ENTREP2: variants seen among roughly 807,000 people sequenced by gnomAD.
The protein encoded by ENTREP2 is endosomal transmembrane epsin interactor 2.
At chr15:29,168,299 A>G in the ENTREP2 span, among the ~76,000 whole-genome samples, 1 of 152,102 alleles carries the variant, frequency 6.6e-6, no homozygotes, top group African/African-American at 2.4e-5. Context: ...GTAACCAAAT[A>G]CCACCTGTAC....
chr15:29,182,707 C>T, the ENTREP2 span, among the ~76,000 whole-genome samples: 1 of 151,940 alleles, frequency 6.6e-6, no homozygotes, highest in African/African-American at 2.4e-5. Flanking sequence ...CTCCATCTCT[C>T]TTGGAGGAAT....
At chr15:29,250,989 G>A in the ENTREP2 span, among the ~76,000 whole-genome samples, 2 of 152,172 alleles carry the variant, frequency 1.3e-5, no homozygotes, top group Non-Finnish European at 1.5e-5. Flanking sequence ...CTTCAGCATC[G>A]AAACTGTGCC....
chr15:29,470,827 T>C, the ENTREP2 span, among the ~76,000 whole-genome samples: 2 of 152,248 alleles, frequency 1.3e-5, no homozygotes, highest in African/African-American at 4.8e-5. Context: ...ATTTTTTGTT[T>C]AATTGGTAAT....
At chr15:29,170,073 C>T in the ENTREP2 span, among the ~76,000 whole-genome samples, 43 of 151,900 alleles carry the variant, frequency 2.8e-4, no homozygotes, top group African/African-American at 6.3e-4. Flanking sequence ...TTTGGAGGGC[C>T]GAGGCAGGGG....
the ENTREP2 span, among the ~76,000 whole-genome samples, chr15:29,666,237 A>G: frequency 6.6e-6 from 1 of 152,072 alleles, no homozygotes. Context: ...GCCCAAAACT[A>G]AATTCTCAGT....
the ENTREP2 span, among the ~76,000 whole-genome samples, chr15:29,323,981 G>A: frequency 2.0e-5 from 3 of 152,044 alleles, no homozygotes; most frequent in South Asian, 2.1e-4. Flanking sequence ...TAAAAGAAGT[G>A]TAATTGATAT....
the ENTREP2 span, among the ~76,000 whole-genome samples, chr15:29,423,211 C>T: frequency 1.1e-4 from 16 of 152,144 alleles, no homozygotes; most frequent in African/African-American, 3.9e-4. Context: ...TCAGAATACA[C>T]ATTTAACATC....
chr15:29,138,528 CTGTA>C, the ENTREP2 span, among the ~76,000 whole-genome samples: 5 of 151,602 alleles, frequency 3.3e-5, no homozygotes, highest in East Asian at 5.8e-4. Flanking sequence ...GCGTGTGTGT[CTGTA>C]TGTGTGTGTT....
the ENTREP2 span, among the ~76,000 whole-genome samples, chr15:29,444,665 C>G: frequency 6.6e-6 from 1 of 152,000 alleles, no homozygotes; most frequent in Admixed American, 6.5e-5. Flanking sequence ...CGGGGTTTCA[C>G]CATATTGGCC....
chr15:29,529,353 T>C, the ENTREP2 span, among the ~76,000 whole-genome samples: 285 of 149,956 alleles, frequency 1.9e-3, no homozygotes, highest in Middle Eastern at 0.01. Flanking sequence ...CAAAAGAAGT[T>C]TGAGGATGAT....
chr15:29,371,670 C>T, the ENTREP2 span, among the ~76,000 whole-genome samples: 10 of 151,922 alleles, frequency 6.6e-5, no homozygotes, highest in African/African-American at 9.7e-5. Context: ...GAGAAAAACA[C>T]AGTTCTTAGA....
the ENTREP2 span, among the ~76,000 whole-genome samples, chr15:29,600,701 GC>G: frequency 2.0e-5 from 3 of 151,800 alleles, no homozygotes; most frequent in Admixed American, 2.0e-4. Flanking sequence ...CAAACTCCTG[GC>G]CTCAAGTGAT....
chr15:29,335,696 T>C, the ENTREP2 span, among the ~76,000 whole-genome samples: 1 of 151,746 alleles, frequency 6.6e-6, no homozygotes, highest in South Asian at 2.1e-4. Flanking sequence ...CACCTTGGGG[T>C]CAGCCACCCT....
At chr15:29,184,788 T>C in the ENTREP2 span, among the ~76,000 whole-genome samples, 1 of 152,192 alleles carries the variant, frequency 6.6e-6, no homozygotes, top group African/African-American at 2.4e-5. Flanking sequence ...CCCTGTCCTG[T>C]GGCCCCTCTC....
the ENTREP2 span, among the ~76,000 whole-genome samples, chr15:29,177,834 AG>A: frequency 7.5e-6 from 1 of 133,830 alleles, no homozygotes; most frequent in South Asian, 2.7e-4. Context: ...GGTGGAGGGT[AG>A]GGATGGGCAG....
the ENTREP2 span, among the ~76,000 whole-genome samples, chr15:29,490,978 G>A: frequency 0.04 from 6,158 of 152,296 alleles, 398 homozygotes; most frequent in African/African-American, 0.14. Context: ...GGAGCCCACT[G>A]CAGGGGGCAG....
chr15:29,451,475 C>CG, the ENTREP2 span, among the ~76,000 whole-genome samples: 1 of 152,086 alleles, frequency 6.6e-6, no homozygotes, highest in Admixed American at 6.6e-5. Context: ...GAGCTCATGT[C>CG]GGGGGCGCGA....
the ENTREP2 span, among the ~76,000 whole-genome samples, chr15:29,309,617 C>T: frequency 1.3e-5 from 2 of 150,606 alleles, no homozygotes; most frequent in Non-Finnish European, 1.5e-5. Flanking sequence ...GGCAAAACCC[C>T]GTTTCTACTA....
chr15:29,518,743 C>T, the ENTREP2 span, among the ~76,000 whole-genome samples: 1 of 152,166 alleles, frequency 6.6e-6, no homozygotes, highest in African/African-American at 2.4e-5. Context: ...AAAATCAGAA[C>T]CTACACCCTG....
Sources: allele counts gnomAD v4.1 joint callset (sites outside exome capture counted in the v4.1 genomes callset), GRCh38; gene constraint gnomAD v4.1.1; transcripts MANE v1.5; gene names NCBI Gene and HGNC (gene_info 2026-07-23, HGNC 2026-07-21).